Variants in RPS6KA6 observed in about 807,000 individuals in gnomAD.
The protein encoded by RPS6KA6 is ribosomal protein S6 kinase alpha-6.
RPS6KA6 carries 27 observed loss-of-function variants against 65.4 expected under a neutral mutation model. The ratio of observed to expected loss-of-function variants is 0.41; its 90% CI spans 0.30 to 0.57. The LOEUF (loss-of-function observed/expected upper bound fraction) is 0.57. Among genes scored for constraint, RPS6KA6 ranks in the 20% least tolerant of loss-of-function variants. The pLI, the probability that RPS6KA6 is intolerant of heterozygous loss-of-function variation, is 0.24. For missense variants in RPS6KA6, 486 were observed against 555.6 expected, an observed-to-expected ratio of 0.87 and a Z score of 1.26; for synonymous variants, 190 against 184.2, an observed-to-expected ratio of 1.03 and a Z score of -0.26.
chrX:84,111,017 T>A (rs2147447998), intron 12 of RPS6KA6, among the ~76,000 whole-genome samples: 1 of 106,112 alleles, frequency 9.4e-6, no homozygotes, highest in East Asian at 2.9e-4. Context: ...TATATTTAAA[T>A]TCTGGAAGTG....
intron 3 of RPS6KA6, among the ~76,000 whole-genome samples, chrX:84,150,907 A>ATATG (rs2035296710): frequency 1.0e-5 from 1 of 97,983 alleles, no homozygotes. Flanking sequence ...TATAGGATAT[A>ATATG]TAGAGAGGAT....
At chrX:84,175,717 TA>T (rs1174688991) in intron 1 of RPS6KA6, among the ~76,000 whole-genome samples, 1 of 111,654 alleles carries the variant, frequency 9.0e-6, no homozygotes, top group African/African-American at 3.3e-5. Context: ...AAAATATTTT[TA>T]AAAATCTTTC....
At chrX:84,135,484 A>C (rs1344086266) in intron 6 of RPS6KA6, among the ~76,000 whole-genome samples, 2 of 111,659 alleles carry the variant, frequency 1.8e-5, no homozygotes. Flanking sequence ...ATATCTTCTC[A>C]CACGAAATGC....
chrX:84,164,872 G>A (rs2035573497), intron 1 of RPS6KA6, among the ~76,000 whole-genome samples: 1 of 111,858 alleles, frequency 8.9e-6, no homozygotes, highest in African/African-American at 3.2e-5. Flanking sequence ...GGAGAAAGAT[G>A]TAAGTAATCA....
At position 84,062,415 on chromosome X, in the gene RPS6KA6, T is replaced by C. The variant is rs1272180583; in HGVS notation, c.*1862A>G. On this transcript the variant is annotated 3_prime_UTR_variant, in exon 22 of 22. Coordinates refer to ENST00000262752, the MANE Select transcript of RPS6KA6 (RefSeq NM_014496.5). ...TTCTGATAGGAAGGCATAACAGCAC[T>C]AGATAATGACAGAAGGAAAATAAGT... 1 of 110,851 alleles carries C rather than the reference T, an allele frequency of 9.0e-6. No individual in the cohort carries two copies. Among genetic ancestry groups the C allele is most frequent in the Non-Finnish European group, 1.9e-5 (1 of 52,875 alleles). The allele number at this position is 110,851 out of a possible 1,213,427, so 9.1% of individuals were successfully genotyped here. A position where few individuals can be genotyped will look rare whatever the true frequency, so the allele number is the denominator to read the frequency against.
At chrX:84,168,883 C>T (rs1705677009) in intron 1 of RPS6KA6, among the ~76,000 whole-genome samples, 1 of 111,347 alleles carries the variant, frequency 9.0e-6, no homozygotes, top group African/African-American at 3.3e-5. Flanking sequence ...CCATTGCTCC[C>T]ATCTCATCTA....
chrX:84,104,114 G>C (rs1333735912), intron 17 of RPS6KA6, among the ~76,000 whole-genome samples: 1 of 110,538 alleles, frequency 9.0e-6, no homozygotes, highest in African/African-American at 3.3e-5. Context: ...TTTAGGGAAG[G>C]AGCTGGCAAG....
intron 20 of RPS6KA6, among the ~76,000 whole-genome samples, chrX:84,086,102 A>T (rs755204297): frequency 1.8e-5 from 2 of 110,562 alleles, no homozygotes; most frequent in Non-Finnish European, 1.9e-5. Flanking sequence ...TTTGTTTTTT[A>T]AAAATCAGCC....
At position 84,134,903 on chromosome X, in the gene RPS6KA6, G is replaced by A. The variant is rs1222934490; in HGVS notation, c.609-84C>T. 2.9e-5 allele frequency: 20 copies of A among 684,163 alleles called. No individual in the cohort carries two copies. The South Asian group carries it at 4.6e-4, about 16-fold the overall frequency. The allele number at this position is 684,163 out of a possible 1,213,427, so 56.4% of individuals were successfully genotyped here. A position where few individuals can be genotyped will look rare whatever the true frequency, so the allele number is the denominator to read the frequency against. The stretch of plus-strand genomic sequence containing the variant: ...ACATAAAAATCATAAAACTAAGATA[G>A]GTCAGTATCTATTTAATATATGTAA... On this transcript the variant is annotated intron_variant, in intron 7 of 21. Transcript: ENST00000262752.
chrX:84,098,641 C>A (rs1164578713), intron 18 of RPS6KA6, among the ~76,000 whole-genome samples: 2 of 111,092 alleles, frequency 1.8e-5, no homozygotes, highest in Non-Finnish European at 3.8e-5. Context: ...ATTATTAATG[C>A]ATTAACACTG....
At chrX:84,091,432 CA>C (rs2034042253) in intron 20 of RPS6KA6, among the ~76,000 whole-genome samples, 1 of 112,118 alleles carries the variant, frequency 8.9e-6, no homozygotes, top group Non-Finnish European at 1.9e-5. Context: ...GTGTGAAGAA[CA>C]AAAATATACC....
chrX:84,118,898 T>C (rs898825524), intron 9 of RPS6KA6, among the ~76,000 whole-genome samples: 3 of 111,973 alleles, frequency 2.7e-5, no homozygotes, highest in Non-Finnish European at 5.6e-5. Context: ...ACCCAGAGAA[T>C]CATGTATAAA....
chrX:84,169,930 G>A (rs2035654361), intron 1 of RPS6KA6, among the ~76,000 whole-genome samples: 1 of 110,735 alleles, frequency 9.0e-6, no homozygotes. Flanking sequence ...CAGCACTTTG[G>A]GAAACTAAGG....
At chrX:84,184,738 C>A (rs1172539321) in intron 1 of RPS6KA6, among the ~76,000 whole-genome samples, 1 of 102,457 alleles carries the variant, frequency 9.8e-6, no homozygotes, top group Admixed American at 1.1e-4. Flanking sequence ...GTAGTCCCAG[C>A]TACTCGGGAA....
chrX:84,102,848 G>A (rs2034285561), intron 17 of RPS6KA6, among the ~76,000 whole-genome samples: 1 of 110,809 alleles, frequency 9.0e-6, no homozygotes, highest in Non-Finnish European at 1.9e-5. Flanking sequence ...TTCTGGCTTA[G>A]AGGACCAGAA....
At chrX:84,184,065 A>G (rs916717986) in intron 1 of RPS6KA6, among the ~76,000 whole-genome samples, 6 of 112,515 alleles carry the variant, frequency 5.3e-5, no homozygotes, top group Non-Finnish European at 1.1e-4. Flanking sequence ...AAAAATTTCA[A>G]TGAAACACCT....
chrX:84,090,375 G>T (rs1021012505), intron 20 of RPS6KA6, among the ~76,000 whole-genome samples: 8 of 112,168 alleles, frequency 7.1e-5, no homozygotes, highest in African/African-American at 2.6e-4. Flanking sequence ...TTTGAAAACT[G>T]TGGTACTACT....
At chrX:84,183,869 A>AATTTCC (rs945934163) in intron 1 of RPS6KA6, among the ~76,000 whole-genome samples, 8 of 109,544 alleles carry the variant, frequency 7.3e-5, no homozygotes, top group Middle Eastern at 4.3e-3. Flanking sequence ...TTACAATAAC[A>AATTTCC]ATTTCCATAC....
At position 84,127,533 on chromosome X, in the gene RPS6KA6, A is replaced by G. The variant is rs2034818659; in HGVS notation, c.646+7249T>C. On this transcript the variant is annotated intron_variant, in intron 8 of 21. Coordinates refer to ENST00000262752, the MANE Select transcript of RPS6KA6 (RefSeq NM_014496.5). Reference sequence around the variant, plus strand: ...TAAGACAACAAAAAACTACAGGCCAATATCTCTGATGAATAATAATGCAAA... The same window carrying G: ...TAAGACAACAAAAAACTACAGGCCAGTATCTCTGATGAATAATAATGCAAA... 5.4e-5 allele frequency among the ~76,000 whole-genome samples: 6 copies of G among 111,491 alleles called. No individual in the cohort carries two copies. In the South Asian group the frequency reaches 2.2e-3, roughly 42 times the overall value.
Sources: gnomAD v4.1 joint callset for allele counts (sites outside exome capture counted in the v4.1 genomes callset) on GRCh38, gnomAD v4.1.1 for gene constraint, MANE v1.5 for transcripts, NCBI Gene and HGNC (gene_info 2026-07-23, HGNC 2026-07-21) for gene names.